Variants in FGGY observed in about 807,000 individuals in gnomAD.
FGGY encodes the protein FGGY carbohydrate kinase domain-containing protein.
A neutral mutation model predicts 71.3 loss-of-function variants in FGGY; 72 were observed. That is an observed-to-expected ratio of 1.01 (90% CI 0.84 to 1.23). The LOEUF is 1.23. FGGY is among the 50% of genes most tolerant of loss of function. The pLI is 0.00. For missense variants in FGGY, 668 were observed against 682.3 expected, an observed-to-expected ratio of 0.98 and a Z score of 0.23; for synonymous variants, 251 against 250.3, an observed-to-expected ratio of 1.00 and a Z score of -0.02.
chr1:59,370,870 A>G (rs2057486903), intron 4 of FGGY, among the ~76,000 whole-genome samples: 4 of 152,278 alleles, frequency 2.6e-5, no homozygotes, highest in African/African-American at 9.6e-5. Context: ...AGATTTTGTC[A>G]CCACCAGGTC....
chr1:59,351,745 G>GATAAT (rs1229176227), intron 4 of FGGY, among the ~76,000 whole-genome samples: 1 of 152,182 alleles, frequency 6.6e-6, no homozygotes, highest in Non-Finnish European at 1.5e-5. Context: ...ATTTTTAGAG[G>GATAAT]ATAATATCAA....
At chr1:59,614,634 G>A (rs1181570812) in intron 9 of FGGY, among the ~76,000 whole-genome samples, 3 of 152,058 alleles carry the variant, frequency 2.0e-5, no homozygotes, top group African/African-American at 7.2e-5. Flanking sequence ...ACATAGTGTT[G>A]GAAGTTCTGG....
intron 5 of FGGY, among the ~76,000 whole-genome samples, chr1:59,423,974 AGG>A (rs2065890537): frequency 6.6e-6 from 1 of 152,226 alleles, no homozygotes; most frequent in Admixed American, 6.5e-5. Flanking sequence ...GTGCCCTCCA[AGG>A]GGAGGCAAGG....
intron 9 of FGGY, among the ~76,000 whole-genome samples, chr1:59,612,581 G>A (rs956372232): frequency 2.6e-5 from 4 of 152,162 alleles, no homozygotes; most frequent in Non-Finnish European, 5.9e-5. Context: ...GGAAGAAACT[G>A]CATCAACTAA....
At chr1:59,407,896 G>A (rs2063003520) in intron 5 of FGGY, among the ~76,000 whole-genome samples, 1 of 152,178 alleles carries the variant, frequency 6.6e-6, no homozygotes, top group Admixed American at 6.5e-5. Context: ...CATGTAAATT[G>A]TTCATCATCT....
intron 2 of FGGY, among the ~76,000 whole-genome samples, chr1:59,338,589 T>A (rs1355238257): frequency 3.3e-5 from 5 of 152,136 alleles, no homozygotes; most frequent in East Asian, 3.8e-4. Context: ...TTTTTGATAG[T>A]TTTGTCCAGT....
chr1:59,390,962 A>G (rs1419781742), intron 5 of FGGY, among the ~76,000 whole-genome samples: 1 of 152,244 alleles, frequency 6.6e-6, no homozygotes, highest in Non-Finnish European at 1.5e-5. Context: ...TCCCTAATCC[A>G]GTAATTGATA....
At chr1:59,652,799 A>G (rs2097177405) in intron 11 of FGGY, among the ~76,000 whole-genome samples, 1 of 152,254 alleles carries the variant, frequency 6.6e-6, no homozygotes, top group East Asian at 1.9e-4. Flanking sequence ...CTGGTGAGGA[A>G]CTGCGTTCCT....
chr1:59,707,630 C>A (rs1278424833), intron 14 of FGGY, among the ~76,000 whole-genome samples: 2 of 152,208 alleles, frequency 1.3e-5, no homozygotes, highest in East Asian at 3.8e-4. Flanking sequence ...CACAACAGCC[C>A]ACTGTATTCC....
At chr1:59,655,641 G>T (rs372393359) in intron 11 of FGGY, among the ~76,000 whole-genome samples, 132 of 152,252 alleles carry the variant, frequency 8.7e-4, no homozygotes, top group African/African-American at 3.1e-3. Flanking sequence ...AGTCCATGGT[G>T]TATATGTGCC....
intron 10 of FGGY, among the ~76,000 whole-genome samples, chr1:59,630,470 C>T (rs1179190081): frequency 2.6e-5 from 4 of 152,076 alleles, no homozygotes; most frequent in African/African-American, 9.7e-5. Context: ...ACCTGTTCTG[C>T]CCTGAATGTC....
intron 11 of FGGY, among the ~76,000 whole-genome samples, chr1:59,644,579 G>A (rs1030870908): frequency 3.3e-5 from 5 of 151,956 alleles, no homozygotes; most frequent in Non-Finnish European, 7.4e-5. Context: ...AACAGTAAGC[G>A]CTGATGATTT....
chr1:59,507,328 C>T (rs1210271024), intron 6 of FGGY, among the ~76,000 whole-genome samples: 1 of 152,212 alleles, frequency 6.6e-6, no homozygotes. Context: ...AGTTAAGTTA[C>T]AGTCACTGTG....
At chr1:59,434,382 G>C (rs564150450) in intron 5 of FGGY, among the ~76,000 whole-genome samples, 60 of 152,334 alleles carry the variant, frequency 3.9e-4, no homozygotes, top group Middle Eastern at 6.8e-3. Context: ...ATTTGTATTT[G>C]TGACAGACAT....
chr1:59,298,797 A>G (rs2042337883), intron 1 of FGGY, among the ~76,000 whole-genome samples: 1 of 152,160 alleles, frequency 6.6e-6, no homozygotes, highest in Non-Finnish European at 1.5e-5. Context: ...GAGATCACTT[A>G]CCTTCTCACC....
At chr1:59,503,405 AC>A (rs1016858765) in intron 6 of FGGY, among the ~76,000 whole-genome samples, 70 of 151,868 alleles carry the variant, frequency 4.6e-4, no homozygotes, top group African/African-American at 1.6e-3. Context: ...TACAATAGTT[AC>A]CAGTTGCTTG....
chr1:59,520,277 G>A (rs974628146), intron 7 of FGGY, among the ~76,000 whole-genome samples: 28 of 152,196 alleles, frequency 1.8e-4, no homozygotes, highest in African/African-American at 6.8e-4. Flanking sequence ...TTCAGTAAAA[G>A]TAGTTGTGAG....
intron 14 of FGGY, among the ~76,000 whole-genome samples, chr1:59,726,294 TA>T (rs1352178727): frequency 6.6e-6 from 1 of 152,194 alleles, no homozygotes; most frequent in Non-Finnish European, 1.5e-5. Context: ...GGTTGTGGTA[TA>T]TAATTCCTTT....
At chr1:59,318,057 A>G (rs907534358) in intron 1 of FGGY, among the ~76,000 whole-genome samples, 1 of 152,186 alleles carries the variant, frequency 6.6e-6, no homozygotes, top group African/African-American at 2.4e-5. Context: ...GAGGCAGTGG[A>G]GCATCCTGAG....
Sources: allele counts gnomAD v4.1 joint callset (sites outside exome capture counted in the v4.1 genomes callset), GRCh38; gene constraint gnomAD v4.1.1; transcripts MANE v1.5; gene names NCBI Gene and HGNC (gene_info 2026-07-23, HGNC 2026-07-21).